Variants in CFAP46 observed in about 807,000 individuals in gnomAD.
CFAP46 encodes cilia- and flagella-associated protein 46.
A neutral mutation model predicts 325.7 loss-of-function variants in CFAP46; 245 were observed. That is an observed-to-expected ratio of 0.75 (90% CI 0.68 to 0.84). CFAP46 has a LOEUF of 0.84. Ranked by LOEUF, CFAP46 falls within the 40% of genes least tolerant of loss-of-function variation. The pLI, the probability that CFAP46 is intolerant of heterozygous loss-of-function variation, is 0.00. For missense variants in CFAP46, 3,346 were observed against 3,543.0 expected (o/e 0.94, Z 1.41); for synonymous variants, 1,523 against 1,495.9 (o/e 1.02, Z -0.42).
chr10:132,879,669 G>C, intron 28 of CFAP46, 38 bp from the exon 29 acceptor site: 2 of 1,463,604 alleles, frequency 1.4e-6, no homozygotes, highest in Non-Finnish European at 1.8e-6. Context: ...AGCAGGCCCG[G>C]CTACGGGTCT....
intron 38 of CFAP46, 28 bp from the exon 39 acceptor site, chr10:132,857,816 A>C: frequency 6.8e-7 from 1 of 1,461,156 alleles, no homozygotes; most frequent in Non-Finnish European, 9.1e-7. Flanking sequence ...ATGGAATTTT[A>C]AAACATTATG....
At chr10:132,824,359 A>C (rs1467127539) in intron 50 of CFAP46, among the ~76,000 whole-genome samples, 3 of 97,460 alleles carry the variant, frequency 3.1e-5, no homozygotes, top group African/African-American at 1.3e-4. Flanking sequence ...GTGAGCGCTG[A>C]TGTGTGCTGT....
In CFAP46 at chr10:132,808,910, G is replaced by C. The variant is rs1257722529; in HGVS notation, c.7665-6C>G. 1.3e-6 allele frequency: 2 copies of C among 1,570,558 alleles called. No homozygotes were observed. Among genetic ancestry groups the C allele is most frequent in the Admixed American group, 1.7e-5 (1 of 57,396 alleles). The stretch of plus-strand genomic sequence containing the variant: ...CAAGGTCTGAGAAGCCTCGTCTGTG[G>C]AGAAAGGGGCGGGAGCTATGAACCC... On this transcript the variant is annotated splice_polypyrimidine_tract_variant and splice_region_variant and intron_variant, in intron 57 of 57. Coordinates refer to ENST00000368586, the MANE Select transcript of CFAP46 (RefSeq NM_001200049.3). This position sits in a 1 kb window ranked among gnomAD's most constrained non-coding sequence, Gnocchi z 6.8.
Position 132,934,923 on chromosome 10 carries a change from T to C in CFAP46, c.756-61A>G, listed in dbSNP as rs150804972. On this transcript the variant is annotated intron_variant, in intron 7 of 57. Coordinates refer to ENST00000368586, the MANE Select transcript of CFAP46 (RefSeq NM_001200049.3). ...CCTGTCAGATTTATTCAAATTCTTC[T>C]AAGAGAAACTCTGCGTGTATGAAAT... 7.3e-3 allele frequency: 7,790 copies of C among 1,064,848 alleles called. 76 individuals are homozygous for C. The highest frequency in any genetic ancestry group is 6.3e-3 in the Non-Finnish European group (4,354 of 687,240). 66.0% of individuals were successfully genotyped at this position (1,064,848 alleles called of 1,614,324 possible).
Position 132,909,945 on chromosome 10 carries a change from C to G in CFAP46, c.2623G>C (p.Gly875Arg). ...KAKQLLQQQIGPRLGTEEQGT... is the reference protein window; with the variant it reads ...KAKQLLQQQIRPRLGTEEQGT... ...TGCTCCTCGGTGCCCAGCCGTGGCC[C>G]AATCTGCTGCTGCAGCAGCTGCTTG... Residue 875 changes from glycine (G) to arginine (R), a missense_variant, in exon 20 of 58, where the codon GGG becomes CGG. By Grantham distance (125) the Gly-to-Arg change is moderately radical. Coordinates refer to ENST00000368586, the MANE Select transcript of CFAP46 (RefSeq NM_001200049.3). The G allele has an allele frequency of 6.6e-7, 1 of 1,520,930 alleles. No homozygotes were observed. The highest frequency in any genetic ancestry group is 1.2e-5 in the South Asian group (1 of 81,310). 94.2% of individuals were successfully genotyped at this position (1,520,930 alleles called of 1,614,324 possible). A position where few individuals can be genotyped will look rare whatever the true frequency, so the allele number is the denominator to read the frequency against.
At chr10:132,866,219 C>T (rs1013910466) in intron 34 of CFAP46, 48 bp from the exon 35 acceptor site, 6 of 1,440,372 alleles carry the variant, frequency 4.2e-6, no homozygotes, top group Non-Finnish European at 5.5e-6. Flanking sequence ...CACTTGTGAC[C>T]TCTGAGTCTC....
At chr10:132,813,066 C>T (rs1847614328) in intron 54 of CFAP46, among the ~76,000 whole-genome samples, 169 bp from the exon 55 acceptor site, 1 of 152,170 alleles carries the variant, frequency 6.6e-6, no homozygotes, top group African/African-American at 2.4e-5. Context: ...CCTCTGTGCT[C>T]TGATCACAGG....
At chr10:132,932,497 G>A (rs1849927421) in intron 8 of CFAP46, among the ~76,000 whole-genome samples, 1 of 122,586 alleles carries the variant, frequency 8.2e-6, no homozygotes, top group Admixed American at 8.0e-5. Flanking sequence ...TTCACACAGA[G>A]GCTGAACCTT....
In CFAP46 at chr10:132,818,830, G is replaced by GC. The variant is rs1403590607; in HGVS notation, c.7118-3917_7118-3916insG. On this transcript the variant is annotated intron_variant, in intron 50 of 57. Transcript: ENST00000368586. ...GATTGCGCCACTGCACTCTAGCCTG[G>GC]GCAACAGAGTGAGACTCCATCTCCA... Among the ~76,000 whole-genome samples, 552 of 150,894 alleles carry GC rather than the reference G, an allele frequency of 3.7e-3. 7 individuals carry two copies. The highest frequency in any genetic ancestry group is 0.013 in the African/African-American group (527 of 41,012).
At chr10:132,904,812 A>C (rs994463651) in intron 22 of CFAP46, among the ~76,000 whole-genome samples, 56 of 152,242 alleles carry the variant, frequency 3.7e-4, no homozygotes, top group African/African-American at 1.3e-3. Context: ...CCCAGGCTGG[A>C]GCGCAGTGGT....
At chr10:132,845,971 C>T (rs1591048864) in intron 44 of CFAP46, 86 bp downstream of exon 44, 8 of 1,423,448 alleles carry the variant, frequency 5.6e-6, no homozygotes, top group East Asian at 4.9e-5. Context: ...GGCTGCCTCG[C>T]TCAGGCGTGG....
intron 22 of CFAP46, among the ~76,000 whole-genome samples, chr10:132,907,361 T>C (rs1337599767): frequency 6.6e-6 from 1 of 152,136 alleles, no homozygotes; most frequent in Non-Finnish European, 1.5e-5. Flanking sequence ...TAACAATTGC[T>C]CAACTGGATG....
chr10:132,867,288 G>A (rs1052524940), intron 34 of CFAP46, 87 bp downstream of exon 34: 3 of 1,480,714 alleles, frequency 2.0e-6, no homozygotes, highest in Admixed American at 2.5e-5. Context: ...CAGGCCGGCC[G>A]CCTGGCTCAG....
In CFAP46 at chr10:132,881,347, G is replaced by A. The variant is rs1031034609; in HGVS notation, c.3628-315C>T. Among the ~76,000 whole-genome samples the A allele has an allele frequency of 3.9e-5, 6 of 152,096 alleles. 1 individual carries two copies. The highest frequency in any genetic ancestry group is 1.2e-4 in the African/African-American group (5 of 41,416). On this transcript the variant is annotated intron_variant, in intron 27 of 57. Coordinates refer to ENST00000368586, the MANE Select transcript of CFAP46 (RefSeq NM_001200049.3). ...TCCCCAGACATTCCCTGCACCGCAAGAGGACACAGGACAGGGGTCCTGCTG... is the reference window on the plus strand; with the variant it reads ...TCCCCAGACATTCCCTGCACCGCAAAAGGACACAGGACAGGGGTCCTGCTG...
At chr10:132,904,833 C>T (rs990592920) in intron 22 of CFAP46, among the ~76,000 whole-genome samples, 5 of 152,250 alleles carry the variant, frequency 3.3e-5, no homozygotes, top group Non-Finnish European at 5.9e-5. Context: ...ACAATCACGG[C>T]TTGCTGCAGC....
chr10:132,835,679 G>A (rs1182691137), intron 46 of CFAP46, among the ~76,000 whole-genome samples: 1 of 152,090 alleles, frequency 6.6e-6, no homozygotes, highest in Non-Finnish European at 1.5e-5. Context: ...CCTGTTTCCA[G>A]AATGTCACAG....
chr10:132,923,992 C>G (rs1326960962), intron 11 of CFAP46, among the ~76,000 whole-genome samples: 1 of 152,102 alleles, frequency 6.6e-6, no homozygotes, highest in Non-Finnish European at 1.5e-5. Context: ...AGGTAGCAGA[C>G]AGGGAGCGGG....
rs1280394278 is a variant in CFAP46, at chr10:132,884,213, G to A, written c.3627+890C>T. Among the ~76,000 whole-genome samples the A allele has an allele frequency of 5.3e-5, 8 of 152,280 alleles. No individual in the cohort carries two copies. Among genetic ancestry groups the A allele is most frequent in the South Asian group, 2.1e-4 (1 of 4,828 alleles). On this transcript the variant is annotated intron_variant, in intron 27 of 57. Coordinates refer to ENST00000368586, the MANE Select transcript of CFAP46 (RefSeq NM_001200049.3). The surrounding 1 kb of genome is among the most constrained non-coding windows in gnomAD (Gnocchi z 5.4). ...CCTAGCAGGGCAACTGCCGAGGAAC[G>A]ACGTGGCCTCTGGTTCCCCGGAGCG...
At chr10:132,888,366 CTGCCA>C (rs1564791160) in intron 25 of CFAP46, among the ~76,000 whole-genome samples, 12 of 116,764 alleles carry the variant, frequency 1.0e-4, no homozygotes, top group Admixed American at 1.8e-4. Context: ...CCGCCTGCAC[CTGCCA>C]CCTTCACCCC....
Sources: allele counts gnomAD v4.1 joint callset (sites outside exome capture counted in the v4.1 genomes callset), GRCh38; gene constraint gnomAD v4.1.1; non-coding constraint Gnocchi (gnomAD v3.1); transcripts MANE v1.5; gene names NCBI Gene and HGNC (gene_info 2026-07-23, HGNC 2026-07-21).